The following ENGASE variants were observed in gnomAD, a reference collection of about 807,000 sequenced individuals.
ENGASE encodes the protein cytosolic endo-beta-N-acetylglucosaminidase.
Under a neutral mutation model 78.5 loss-of-function variants are expected in ENGASE, and 69 were observed. That is an observed-to-expected ratio of 0.88 (90% CI 0.72 to 1.07). ENGASE has a LOEUF of 1.07. ENGASE is among the 50% of genes least tolerant of loss of function. The probability of loss-of-function intolerance (pLI) is 0.00; values close to 1 mark genes in which losing one functional copy is unlikely to be tolerated. For synonymous variants in ENGASE, 408 were observed against 408.9 expected, an observed-to-expected ratio of 1.00 and a Z score of 0.03; for missense variants, 943 against 988.4, an observed-to-expected ratio of 0.95 and a Z score of 0.62.
intron 10 of ENGASE, 55 bp downstream of exon 10, chr17:79,084,006 G>GGGAGAA: frequency 6.6e-7 from 1 of 1,522,842 alleles, no homozygotes; most frequent in Non-Finnish European, 9.0e-7. Flanking sequence ...CACACGTGGT[G>GGGAGAA]GCCATGGAAC....
intron 4 of ENGASE, 67 bp downstream of exon 4, chr17:79,079,704 AT>A: frequency 2.6e-6 from 4 of 1,568,254 alleles, no homozygotes; most frequent in Non-Finnish European, 3.5e-6. Context: ...GGACCCCGTG[AT>A]TAGGAGGCAC....
Position 79,082,706 on chromosome 17 carries a change from T to C in ENGASE, c.1039-314T>C, listed in dbSNP as rs1277574560. ...AACTAAAGAGCCTCTTTACTGCCCGTGATTCTGATAATCGAATGAGAGGTG... is the reference window on the plus strand; with the variant it reads ...AACTAAAGAGCCTCTTTACTGCCCGCGATTCTGATAATCGAATGAGAGGTG... On this transcript the variant is annotated intron_variant, in intron 7 of 13. Coordinates refer to ENST00000579016, the MANE Select transcript of ENGASE (RefSeq NM_001042573.3). 13 of 1,364,928 alleles carry C rather than the reference T, an allele frequency of 9.5e-6. No homozygotes were observed. In the African/African-American group the frequency reaches 1.6e-4, roughly 17 times the overall value. The allele number at this position is 1,364,928 out of a possible 1,614,324, so 84.6% of individuals were successfully genotyped here.
intron 1 of ENGASE, chr17:79,075,959 A>G (rs2072958237): frequency 2.1e-6 from 2 of 937,068 alleles, no homozygotes; most frequent in East Asian, 2.3e-4. Context: ...AAGGACATCA[A>G]CGAGGAAGGG....
intron 1 of ENGASE, chr17:79,075,932 G>A: frequency 9.2e-6 from 9 of 981,022 alleles, no homozygotes; most frequent in Non-Finnish European, 1.1e-5. Context: ...TCTGGGAGGG[G>A]GTGGCTGAAG....
chr17:79,081,352 A>G (rs941033630), intron 6 of ENGASE, among the ~76,000 whole-genome samples: 5 of 152,170 alleles, frequency 3.3e-5, no homozygotes, highest in Admixed American at 2.6e-4. Flanking sequence ...AATACAAAAA[A>G]TTAGCTGGGC....
chr17:79,081,111 C>A, intron 6 of ENGASE, 38 bp downstream of exon 6: 1 of 274,146 alleles, frequency 3.6e-6, no homozygotes, highest in Non-Finnish European at 6.6e-6. Flanking sequence ...GGGCAGGTGC[C>A]GTGGTGGGGG....
rs374494890 is a variant in ENGASE, at chr17:79,086,046, C to T, written c.1929C>T (p.Leu643=). 6.2e-7 allele frequency: 1 copy of T among 1,613,286 alleles called. No individual in the cohort carries two copies. The highest frequency in any genetic ancestry group is 2.2e-5 in the East Asian group (1 of 44,880). ...ASEREGPPAL[L]QLSCTLHWSF... The stretch of plus-strand genomic sequence containing the variant: ...AGCGGGAGGGGCCCCCTGCTCTGCT[C>T]CAGCTCAGCTGCACCCTGCACTGGT... The change falls in exon 14 of 14, where the codon CTC becomes CTT. Residue 643 remains leucine, a synonymous_variant. Coordinates refer to ENST00000579016, the MANE Select transcript of ENGASE (RefSeq NM_001042573.3).
In ENGASE at chr17:79,087,475, C is replaced by T. The variant is rs2073354148; in HGVS notation, c.*1126C>T. 2 of 177,616 alleles carry T rather than the reference C, an allele frequency of 1.1e-5. No individual in the cohort carries two copies. Among genetic ancestry groups the T allele is most frequent in the African/African-American group, 2.4e-5 (1 of 42,494 alleles). 11.0% of individuals were successfully genotyped at this position (177,616 alleles called of 1,614,324 possible). ...CTGCAGCTGCACAGCCTCTGCTACA[C>T]CTGGGCTGCCTGGGAGGCTTCCTGG... On this transcript the variant is annotated 3_prime_UTR_variant, in exon 14 of 14. Transcript: ENST00000579016.
chr17:79,075,301 C>T (rs1290025418), intron 1 of ENGASE, among the ~76,000 whole-genome samples: 4 of 152,202 alleles, frequency 2.6e-5, no homozygotes, highest in African/African-American at 7.2e-5. Context: ...GGCCTCCGGC[C>T]CCCGTGCGTG....
At chr17:79,082,668 A>T in intron 7 of ENGASE, 3 of 1,311,482 alleles carry the variant, frequency 2.3e-6, no homozygotes, top group Non-Finnish European at 3.0e-6. Flanking sequence ...TTAAATGAGT[A>T]AATTAATCCA....
intron 5 of ENGASE, 121 bp downstream of exon 5, chr17:79,080,485 C>G: frequency 8.9e-7 from 1 of 1,117,360 alleles, no homozygotes; most frequent in Non-Finnish European, 1.3e-6. Context: ...GCAGTAAGAG[C>G]CACTTCTCGC....
At chr17:79,084,495 A>G in intron 10 of ENGASE, 43 bp from the exon 11 acceptor site, 1 of 1,497,952 alleles carries the variant, frequency 6.7e-7, no homozygotes, top group Non-Finnish European at 8.9e-7. Flanking sequence ...TCGATTTCTC[A>G]GTGGTCTCTC....
Position 79,083,008 on chromosome 17 carries a change from C to CT in ENGASE, c.1039-11dup, listed in dbSNP as rs1488970498. The CT allele has an allele frequency of 6.2e-7, 1 of 1,612,836 alleles. No individual in the cohort carries two copies. The highest frequency in any genetic ancestry group is 1.3e-5 in the African/African-American group (1 of 74,920). ...GTCCTGATGTGCCCAGCGTCTCCCT[C>CT]TGTCTCTTCAGTCGTTGGAGCTGAT... On this transcript the variant is annotated splice_polypyrimidine_tract_variant and intron_variant, in intron 7 of 13. Coordinates refer to ENST00000579016, the MANE Select transcript of ENGASE (RefSeq NM_001042573.3). This position sits in a 1 kb window ranked among gnomAD's most constrained non-coding sequence, Gnocchi z 4.9.
At chr17:79,085,560 C>T (rs891976135) in intron 12 of ENGASE, 60 bp from the exon 13 acceptor site, 50 of 1,594,908 alleles carry the variant, frequency 3.1e-5, no homozygotes, top group African/African-American at 3.0e-4. Flanking sequence ...GGCCTCTGGA[C>T]GGCTCACCCT....
Position 79,085,287 on chromosome 17 carries a change from C to G in ENGASE, c.1645C>G (p.Leu549Val), listed in dbSNP as rs1252351525. 2 of 1,613,324 alleles carry G rather than the reference C, an allele frequency of 1.2e-6. No homozygotes were observed. The highest frequency in any genetic ancestry group is 1.7e-6 in the Non-Finnish European group (2 of 1,179,964). The change falls in exon 12 of 14, where the codon CTG becomes GTG. Residue 549 changes from leucine (L) to valine (V), a missense_variant. Coordinates refer to ENST00000579016, the MANE Select transcript of ENGASE (RefSeq NM_001042573.3). ...ACCCCTCCGGGTGCCCCCCACCAAG[C>G]TGGCCAGATGGGTGGGCCGCTGCGG... Reference protein sequence around the residue: ...LRPLRVPPTKLARWVGRCGRQ... With the variant: ...LRPLRVPPTKVARWVGRCGRQ...
intron 4 of ENGASE, 54 bp from the exon 5 acceptor site, chr17:79,080,153 G>T: frequency 3.2e-6 from 5 of 1,543,390 alleles, no homozygotes; most frequent in Non-Finnish European, 3.5e-6. Flanking sequence ...GAAAACTGTG[G>T]GTGGAGGGAA....
At chr17:79,081,272 G>A (rs2073129388) in intron 6 of ENGASE, among the ~76,000 whole-genome samples, 199 bp downstream of exon 6, 2 of 152,356 alleles carry the variant, frequency 1.3e-5, no homozygotes, top group South Asian at 4.1e-4. Context: ...GGACGCCGAG[G>A]TGGGCAGATC....
rs776270994 is a variant in ENGASE, at chr17:79,082,084, A to G, written c.1038+21A>G. On this transcript the variant is annotated intron_variant, in intron 7 of 13. Coordinates refer to ENST00000579016, the MANE Select transcript of ENGASE (RefSeq NM_001042573.3). The stretch of plus-strand genomic sequence containing the variant: ...ACAAGGTGGGTGGTGGCTTTCGTCC[A>G]AGGGCCAGCGGCCCAGTGCCTCCCC... 1.8e-5 allele frequency: 29 copies of G among 1,614,004 alleles called. 1 individual carries two copies. In the East Asian group the frequency reaches 6.2e-4, roughly 35 times the overall value.
Position 79,083,732 on chromosome 17 carries a change from G to T in ENGASE, c.1252-29G>T. 1.3e-6 allele frequency: 2 copies of T among 1,595,534 alleles called. No homozygotes were observed. The highest frequency in any genetic ancestry group is 1.1e-5 in the South Asian group (1 of 89,018). On this transcript the variant is annotated intron_variant, in intron 9 of 13. Transcript: ENST00000579016. The surrounding 1 kb of genome is among the most constrained non-coding windows in gnomAD (Gnocchi z 4.9). Reference sequence around the variant, plus strand: ...CACCCCTGCTCTGTTGGCCTCTGCTGAGTGCCCCTGTTCTGCCCTTTTCTT... The same window carrying T: ...CACCCCTGCTCTGTTGGCCTCTGCTTAGTGCCCCTGTTCTGCCCTTTTCTT...
Sources: gnomAD v4.1 joint callset for allele counts (sites outside exome capture counted in the v4.1 genomes callset) on GRCh38, gnomAD v4.1.1 for gene constraint, Gnocchi (gnomAD v3.1) non-coding constraint, MANE v1.5 for transcripts, NCBI Gene and HGNC (gene_info 2026-07-23, HGNC 2026-07-21) for gene names.